The following ERICH2 variants were observed in gnomAD, a reference collection of about 807,000 sequenced individuals.
The protein encoded by ERICH2 is glutamate-rich protein 2.
A neutral mutation model predicts 17.4 loss-of-function variants in ERICH2; 17 were observed. The observed-to-expected ratio is 0.98, with a 90% CI of 0.67 to 1.47. The LOEUF (loss-of-function observed/expected upper bound fraction) is 1.47. ERICH2 is among the 40% of genes most tolerant of loss of function. The pLI is 0.00. For synonymous variants in ERICH2, 51 were observed against 61.1 expected (o/e 0.83, Z 0.77); for missense variants, 186 against 183.2 (o/e 1.01, Z -0.09).
chr2:170,775,407 G>A, the ERICH2 span, among the ~76,000 whole-genome samples: 166 of 152,138 alleles, frequency 1.1e-3, no homozygotes, highest in African/African-American at 3.1e-3. Context: ...ACTCCAGCCT[G>A]GGTGACAGAG....
chr2:170,796,159 C>T (rs1206072327), intron 3 of ERICH2, among the ~76,000 whole-genome samples: 2 of 152,024 alleles, frequency 1.3e-5, no homozygotes, highest in East Asian at 1.9e-4. Context: ...TATTTTAGTC[C>T]AAGGTAAAAT....
intron 3 of ERICH2, among the ~76,000 whole-genome samples, chr2:170,796,410 ATCTCTC>A (rs10534608): frequency 7.1e-6 from 1 of 141,270 alleles, no homozygotes; most frequent in South Asian, 2.2e-4. Context: ...CACAATGGTT[ATCTCTC>A]TCTCTCTCTT....
chr2:170,796,443 T>TG (rs1701423258), intron 3 of ERICH2, among the ~76,000 whole-genome samples: 2 of 122,814 alleles, frequency 1.6e-5, no homozygotes, highest in Non-Finnish European at 3.8e-5. Context: ...TTTTTTTGTT[T>TG]TTTTTTTTTT....
intron 2 of ERICH2, among the ~76,000 whole-genome samples, chr2:170,790,031 T>A (rs1360817803): frequency 1.3e-5 from 2 of 152,276 alleles, no homozygotes; most frequent in Non-Finnish European, 2.9e-5. Context: ...ATATTTAAAT[T>A]TTTCACAATA....
At chr2:170,790,720 C>T (rs1701269943) in intron 2 of ERICH2, among the ~76,000 whole-genome samples, 2 of 151,412 alleles carry the variant, frequency 1.3e-5, no homozygotes, top group South Asian at 4.2e-4. Context: ...AGGAGAATCA[C>T]TTGAACCCAG....
At chr2:170,781,448 A>T (rs568146121), upstream of ERICH2, among the ~76,000 whole-genome samples, 2 of 152,224 alleles carry the variant, frequency 1.3e-5, no homozygotes, top group South Asian at 2.1e-4. Context: ...AACCTGGCCA[A>T]GATGGTGAAA....
chr2:170,775,880 C>G, the ERICH2 span, among the ~76,000 whole-genome samples: 1 of 148,486 alleles, frequency 6.7e-6, no homozygotes, highest in Non-Finnish European at 1.5e-5. Context: ...AAAAACAATA[C>G]GAAATAATGA....
At chr2:170,796,435 T>TTG (rs1701420628) in intron 3 of ERICH2, among the ~76,000 whole-genome samples, 2 of 26,928 alleles carry the variant, frequency 7.4e-5, no homozygotes, top group African/African-American at 1.8e-4. Flanking sequence ...TTTGTTTTTT[T>TTG]TTTTGTTTTT....
the ERICH2 span, among the ~76,000 whole-genome samples, chr2:170,772,464 T>C: frequency 1.3e-5 from 2 of 152,216 alleles, no homozygotes. Flanking sequence ...ATCCACACTT[T>C]ACAGTTGAGG....
upstream of ERICH2, among the ~76,000 whole-genome samples, chr2:170,783,530 C>T (rs1701078487): frequency 6.6e-6 from 1 of 152,168 alleles, no homozygotes; most frequent in African/African-American, 2.4e-5. Flanking sequence ...GCCTGGGCGA[C>T]AGAGTGAGAC....
rs115697667 is a variant in ERICH2, at chr2:170,787,751, G to T, written c.216+2918G>T. 4.6e-3 allele frequency among the ~76,000 whole-genome samples: 705 copies of T among 152,242 alleles called. 1 individual carries two copies. The highest frequency in any genetic ancestry group is 7.8e-3 in the Non-Finnish European group (532 of 68,016). Reference sequence around the variant, plus strand: ...CCAAACTATGTTATTTCAACCCAGAGAAATCACTGGTTTCTGTTTAGATTT... The same window carrying T: ...CCAAACTATGTTATTTCAACCCAGATAAATCACTGGTTTCTGTTTAGATTT... On this transcript the variant is annotated intron_variant, in intron 2 of 4. Coordinates refer to ENST00000409885, the Ensembl canonical transcript of ERICH2.
the ERICH2 span, chr2:170,777,305 C>T: frequency 2.3e-6 from 1 of 431,888 alleles, no homozygotes; most frequent in Non-Finnish European, 3.2e-6. Flanking sequence ...TACATAAAGG[C>T]TATTAGTAAA....
At chr2:170,787,611 C>T (rs1701187750) in intron 2 of ERICH2, among the ~76,000 whole-genome samples, 1 of 152,228 alleles carries the variant, frequency 6.6e-6, no homozygotes, top group Non-Finnish European at 1.5e-5. Flanking sequence ...ACATGCAGAT[C>T]ATTACCAGCC....
upstream of ERICH2, among the ~76,000 whole-genome samples, chr2:170,782,778 A>G (rs1213613792): frequency 6.6e-6 from 1 of 152,216 alleles, no homozygotes; most frequent in African/African-American, 2.4e-5. Flanking sequence ...CAGACAGCTG[A>G]CTATTAAAAA....
At chr2:170,796,569 G>A (rs1203646110) in intron 3 of ERICH2, among the ~76,000 whole-genome samples, 1 of 151,918 alleles carries the variant, frequency 6.6e-6, no homozygotes, top group African/African-American at 2.4e-5. Flanking sequence ...CGAAGGAGCT[G>A]GGACTACAAG....
At chr2:170,792,778 A>G (rs973819135) in intron 2 of ERICH2, 85 bp from the exon 8 acceptor site, 20 of 817,518 alleles carry the variant, frequency 2.4e-5, no homozygotes, top group Admixed American at 5.9e-5. Flanking sequence ...AAGCAAAATA[A>G]CTAATGATTA....
chr2:170,770,754 A>G, the ERICH2 span: 22 of 155,122 alleles, frequency 1.4e-4, no homozygotes, highest in Admixed American at 4.6e-4. Context: ...TGCGCACGTC[A>G]ATCCGAGGGT....
chr2:170,791,089 TATC>T (rs1701278002), intron 2 of ERICH2, among the ~76,000 whole-genome samples: 1 of 152,076 alleles, frequency 6.6e-6, no homozygotes, highest in South Asian at 2.1e-4. Context: ...AACCACTAAA[TATC>T]ATAATTAAAA....
chr2:170,776,902 T>C, the ERICH2 span, among the ~76,000 whole-genome samples: 1 of 152,062 alleles, frequency 6.6e-6, no homozygotes, highest in East Asian at 1.9e-4. Flanking sequence ...TTAGTTATCG[T>C]TTGTGCTTCT....
Sources: gnomAD v4.1 joint callset for allele counts (sites outside exome capture counted in the v4.1 genomes callset) on GRCh38, gnomAD v4.1.1 for gene constraint, MANE v1.5 for transcripts, NCBI Gene and HGNC (gene_info 2026-07-23, HGNC 2026-07-21) for gene names.